Variants in RUVBL2 observed in about 807,000 individuals in gnomAD.
RUVBL2 encodes RuvB like AAA ATPase 2.
A neutral mutation model predicts 57.9 loss-of-function variants in RUVBL2; 9 were observed. The observed-to-expected ratio is 0.16, with a 90% CI of 0.09 to 0.27. RUVBL2 has a LOEUF of 0.27. Ranked by LOEUF, RUVBL2 falls within the 10% of genes least tolerant of loss-of-function variation. The pLI is 1.00. For synonymous variants in RUVBL2, 278 were observed against 264.6 expected, an observed-to-expected ratio of 1.05 and a Z score of -0.49; for missense variants, 456 against 669.6, an observed-to-expected ratio of 0.68 and a Z score of 3.52.
chr19:49,006,996 A>C (rs760405545), intron 4 of RUVBL2, 22 bp from the exon 5 acceptor site: 8 of 1,611,522 alleles, frequency 5.0e-6, no homozygotes, highest in Non-Finnish European at 6.8e-6. Flanking sequence ...GGCTTCACCT[A>C]CACAGACTGC....
At chr19:48,998,484 C>G (rs2039108577) in intron 1 of RUVBL2, among the ~76,000 whole-genome samples, 1 of 151,896 alleles carries the variant, frequency 6.6e-6, no homozygotes, top group Non-Finnish European at 1.5e-5. Context: ...CACTTGAGGT[C>G]AGGAGTTCGA....
At chr19:49,002,638 G>T (rs1173214579) in intron 2 of RUVBL2, among the ~76,000 whole-genome samples, 2 of 152,060 alleles carry the variant, frequency 1.3e-5, no homozygotes, top group Non-Finnish European at 2.9e-5. Context: ...AGGCTAGAAT[G>T]CAGTGGCACA....
At position 49,009,997 on chromosome 19, in the gene RUVBL2, G is replaced by T; in HGVS notation, c.594G>T (p.Ala198=). 1.9e-6 allele frequency: 3 copies of T among 1,591,014 alleles called. No individual in the cohort carries two copies. The highest frequency in any genetic ancestry group is 2.6e-6 in the Non-Finnish European group (3 of 1,166,170). ...QAGDVITIDK[A]TGKISKLGRS... is the part of the protein sequence containing the mutation. ...GGGACGTGATCACCATCGACAAGGC[G>T]ACGGGCAAGATCTCCAAGCTGGGCC... The change falls in exon 8 of 15, where the codon GCG becomes GCT. Residue 198 remains alanine, a synonymous_variant. Coordinates refer to ENST00000595090, the MANE Select transcript of RUVBL2 (RefSeq NM_006666.3).
chr19:48,993,733 C>G (rs1044969569), upstream of RUVBL2: 6 of 754,604 alleles, frequency 8.0e-6, no homozygotes, highest in Non-Finnish European at 1.3e-5. Context: ...GGACGCCCGT[C>G]TTCCAGCGCA....
chr19:49,010,013 A>C lies in RUVBL2; in HGVS notation c.610A>C (p.Lys204Gln). 1 of 1,592,144 alleles carries C rather than the reference A, an allele frequency of 6.3e-7. No homozygotes were observed. Among genetic ancestry groups the C allele is most frequent in the Non-Finnish European group, 8.6e-7 (1 of 1,167,200 alleles). The change falls in exon 8 of 15, where the codon AAG (lysine) becomes CAG (glutamine). Residue 204 changes from lysine (K) to glutamine (Q), a missense_variant. Lys to Gln is a moderately conservative substitution (Grantham distance 53). This residue lies in a region of RUVBL2 where 233 missense variants were observed against 306.0 expected (regional missense o/e 0.76). Transcript: ENST00000595090. ...CGACAAGGCGACGGGCAAGATCTCC[A>C]AGCTGGGCCGCTCCTTCACACGCGC... ...TIDKATGKIS[K>Q]LGRSFTRARD...
At chr19:48,996,539 T>TGTGTTA (rs2039065386) in intron 1 of RUVBL2, among the ~76,000 whole-genome samples, 2 of 149,724 alleles carry the variant, frequency 1.3e-5, no homozygotes. Context: ...TGTGTGTGTG[T>TGTGTTA]GTTAGTGATA....
Position 49,011,130 on chromosome 19 carries a change from G to T in RUVBL2, c.882+37G>T. On this transcript the variant is annotated intron_variant, in intron 10 of 14. Coordinates refer to ENST00000595090, the MANE Select transcript of RUVBL2 (RefSeq NM_006666.3). The surrounding 1 kb of genome is among the most constrained non-coding windows in gnomAD (Gnocchi z 4.4). ...GGACATGGCCGGGGCGGGTGGTGGG[G>T]TGGAGGTGGGCCGGGGAAGTGGGGA... The T allele has an allele frequency of 6.3e-7, 1 of 1,598,324 alleles. No individual in the cohort carries two copies. The highest frequency in any genetic ancestry group is 8.6e-7 in the Non-Finnish European group (1 of 1,167,808).
At chr19:49,003,941 C>T (rs1238237476) in intron 3 of RUVBL2, among the ~76,000 whole-genome samples, 2 of 151,470 alleles carry the variant, frequency 1.3e-5, no homozygotes, top group African/African-American at 4.9e-5. Flanking sequence ...ATAGTGACAC[C>T]TCCTTTCTAC....
At chr19:49,015,519 G>A (rs2039528844) in intron 13 of RUVBL2, 53 bp from the exon 14 acceptor site, 1 of 1,348,354 alleles carries the variant, frequency 7.4e-7, no homozygotes, top group African/African-American at 1.4e-5. Context: ...TGGGGTCTGT[G>A]CCTTGAGCCT....
intron 11 of RUVBL2, among the ~76,000 whole-genome samples, chr19:49,013,839 G>A (rs982493504): frequency 8.5e-5 from 13 of 152,200 alleles, no homozygotes; most frequent in Non-Finnish European, 1.5e-4. Context: ...GGTTGAACCC[G>A]GGAGGCGGAG....
At chr19:49,010,940 T>C (rs2039412271) in intron 9 of RUVBL2, 59 bp from the exon 10 acceptor site, 3 of 1,448,922 alleles carry the variant, frequency 2.1e-6, no homozygotes, top group South Asian at 2.4e-5. Flanking sequence ...TTAGCCACAC[T>C]CTGGCCCTGG....
At chr19:49,010,425 G>A (rs879659341) in intron 8 of RUVBL2, 63 bp from the exon 9 acceptor site, 24 of 1,576,808 alleles carry the variant, frequency 1.5e-5, no homozygotes, top group Non-Finnish European at 2.0e-5. Context: ...AGGGCTTTAG[G>A]GGCCCCCTTC....
chr19:49,009,278 G>GGAGATC (rs969666008), intron 6 of RUVBL2, among the ~76,000 whole-genome samples: 13 of 150,098 alleles, frequency 8.7e-5, no homozygotes, highest in African/African-American at 3.2e-4. Flanking sequence ...CACAAGGTCA[G>GGAGATC]GAGATCGAGA....
At chr19:49,008,008 CTTTTTTTTTTTTTT>C (rs915809242) in intron 6 of RUVBL2, among the ~76,000 whole-genome samples, 86 of 90,406 alleles carry the variant, frequency 9.5e-4, no homozygotes, top group African/African-American at 1.9e-3. Context: ...TACCTGGCCT[CTTTTTTTTTTTTTT>C]TTTTTTTTTT....
intron 12 of RUVBL2, 75 bp downstream of exon 12, chr19:49,014,678 G>T (rs549526504): frequency 6.4e-7 from 1 of 1,569,372 alleles, no homozygotes; most frequent in Non-Finnish European, 8.7e-7. Flanking sequence ...CTGACACTGA[G>T]GTCCAGCGGA....
At chr19:48,998,766 G>A (rs779854915) in intron 1 of RUVBL2, among the ~76,000 whole-genome samples, 64 of 150,380 alleles carry the variant, frequency 4.3e-4, no homozygotes, top group Non-Finnish European at 8.4e-4. Flanking sequence ...AGTGGCTCAC[G>A]CCCATAATCC....
intron 4 of RUVBL2, 79 bp downstream of exon 4, chr19:49,004,497 C>A: frequency 7.2e-7 from 1 of 1,390,626 alleles, no homozygotes; most frequent in Non-Finnish European, 9.8e-7. Context: ...TCAGGATGAG[C>A]CGCCTTTAAC....
Position 49,014,597 on chromosome 19 carries a change from G to A in RUVBL2, c.1115G>A (p.Arg372His), listed in dbSNP as rs751172168. 3.7e-6 allele frequency: 6 copies of A among 1,613,892 alleles called. No homozygotes were observed. The highest frequency in any genetic ancestry group is 2.2e-5 in the East Asian group (1 of 44,898). Residue 372 changes from arginine (R) to histidine (H), a missense_variant, in exon 12 of 15, where the codon CGC becomes CAC. Arg to His is a conservative substitution (Grantham distance 29, BLOSUM62 0). Around this residue, in one of 5 missense-constraint regions of RUVBL2, gnomAD observed 130 missense variants for 243.0 expected, o/e 0.53. Coordinates refer to ENST00000595090, the MANE Select transcript of RUVBL2 (RefSeq NM_006666.3). ...YSEKDTKQIL[R>H]IRCEEEDVEM... ...GAGAAAGACACGAAGCAGATCCTCC[G>A]CATCCGGTGCGGGCAGGACCAGGCC...
Position 49,006,380 on chromosome 19 carries a change from G to C in RUVBL2, c.266-638G>C, listed in dbSNP as rs367929649. ...CAGCCACCCCAGGCCACCGGCGGTA[G>C]AGCGTCCTGCCCTGTGCCAGTTTCA... On this transcript the variant is annotated intron_variant, in intron 4 of 14. Transcript: ENST00000595090. Among the ~76,000 whole-genome samples the C allele has an allele frequency of 3.5e-3, 528 of 152,360 alleles. 2 individuals carry two copies. Among genetic ancestry groups the C allele is most frequent in the African/African-American group, 0.012 (492 of 41,592 alleles).
Sources: allele counts gnomAD v4.1 joint callset (sites outside exome capture counted in the v4.1 genomes callset), GRCh38; gene constraint gnomAD v4.1.1; regional missense constraint gnomAD v4.1.1; non-coding constraint Gnocchi (gnomAD v3.1); transcripts MANE v1.5; gene names NCBI Gene and HGNC (gene_info 2026-07-23, HGNC 2026-07-21).